Variants in CSMD3 observed in about 807,000 individuals in gnomAD.
CSMD3 encodes CUB and Sushi multiple domains 3.
A neutral mutation model predicts 435.2 loss-of-function variants in CSMD3; 177 were observed. The ratio of observed to expected loss-of-function variants is 0.41; its 90% confidence interval spans 0.36 to 0.46. CSMD3 has a LOEUF of 0.46. CSMD3 is among the 20% of genes least tolerant of loss of function. The pLI is 0.34. For missense variants in CSMD3, 4,265 were observed against 4,504.6 expected, an observed-to-expected ratio of 0.95 and a Z score of 1.52; for synonymous variants, 1,656 against 1,520.5, an observed-to-expected ratio of 1.09 and a Z score of -2.07.
intron 46 of CSMD3, 94 bp from the exon 47 acceptor site, chr8:112,319,044 A>G: frequency 2.6e-6 from 2 of 778,672 alleles, no homozygotes; most frequent in South Asian, 1.4e-5. Flanking sequence ...TTTCTCCTTT[A>G]GTTATTTTCA....
At chr8:112,257,621 G>C (rs764226043) in intron 61 of CSMD3, among the ~76,000 whole-genome samples, 3 of 152,154 alleles carry the variant, frequency 2.0e-5, no homozygotes, top group Non-Finnish European at 4.4e-5. Flanking sequence ...ACTGCTCAAG[G>C]AAATCAGAGA....
At chr8:112,471,135 T>G (rs1358547004) in intron 32 of CSMD3, among the ~76,000 whole-genome samples, 1 of 152,160 alleles carries the variant, frequency 6.6e-6, no homozygotes, top group Non-Finnish European at 1.5e-5. Flanking sequence ...GCATGTCTAT[T>G]TGTCAGGACA....
intron 52 of CSMD3, 34 bp downstream of exon 52, chr8:112,304,687 C>T (rs754148253): frequency 6.7e-7 from 1 of 1,499,116 alleles, no homozygotes; most frequent in Non-Finnish European, 9.3e-7. Context: ...CCAAACATAG[C>T]TTATGAAATA....
At chr8:112,425,494 A>C (rs1459010508) in intron 32 of CSMD3, among the ~76,000 whole-genome samples, 2 of 152,114 alleles carry the variant, frequency 1.3e-5, no homozygotes, top group Non-Finnish European at 2.9e-5. Flanking sequence ...ATTGTCTCAG[A>C]TTTTACTTGT....
At chr8:112,685,191 T>C (rs189135194) in intron 15 of CSMD3, among the ~76,000 whole-genome samples, 2 of 152,224 alleles carry the variant, frequency 1.3e-5, no homozygotes, top group Admixed American at 6.6e-5. Context: ...TTCCTTGATA[T>C]TGGGCCTCTC....
chr8:113,259,699 T>A (rs961499052), intron 3 of CSMD3, among the ~76,000 whole-genome samples: 1 of 151,996 alleles, frequency 6.6e-6, no homozygotes, highest in Non-Finnish European at 1.5e-5. Context: ...AAATGGGGCA[T>A]CCTGGGAGGG....
chr8:112,450,662 T>C (rs1031059301), intron 32 of CSMD3, among the ~76,000 whole-genome samples: 13 of 152,274 alleles, frequency 8.5e-5, no homozygotes, highest in African/African-American at 2.9e-4. Flanking sequence ...TTCTATGGAA[T>C]GTCTTTTTTC....
chr8:112,989,933 T>C (rs1042069098), intron 6 of CSMD3, among the ~76,000 whole-genome samples: 5 of 151,934 alleles, frequency 3.3e-5, no homozygotes, highest in African/African-American at 1.2e-4. Flanking sequence ...GGGGCAGTTT[T>C]CCCCCTACTG....
chr8:113,047,249 C>G (rs1437082657), intron 5 of CSMD3, among the ~76,000 whole-genome samples: 2 of 152,180 alleles, frequency 1.3e-5, no homozygotes, highest in Non-Finnish European at 2.9e-5. Flanking sequence ...ACTTATATTT[C>G]TTGTCTATCT....
At chr8:113,227,095 CACA>C (rs2093037040) in intron 3 of CSMD3, among the ~76,000 whole-genome samples, 1 of 151,448 alleles carries the variant, frequency 6.6e-6, no homozygotes, top group African/African-American at 2.4e-5. Flanking sequence ...TCCTTTTGTA[CACA>C]CTTTCCACAA....
intron 6 of CSMD3, among the ~76,000 whole-genome samples, chr8:112,994,659 G>T (rs2085578569): frequency 6.6e-6 from 1 of 151,448 alleles, no homozygotes; most frequent in African/African-American, 2.4e-5. Context: ...AAATTTCATG[G>T]ATTTGTCTCC....
chr8:112,384,650 G>A (rs1401672199), intron 36 of CSMD3, among the ~76,000 whole-genome samples: 1 of 152,168 alleles, frequency 6.6e-6, no homozygotes, highest in Non-Finnish European at 1.5e-5. Flanking sequence ...TTTATTATCT[G>A]CAAAATAGCC....
chr8:113,056,264 A>G (rs1272693911), intron 5 of CSMD3, among the ~76,000 whole-genome samples: 5 of 152,172 alleles, frequency 3.3e-5, no homozygotes, highest in Admixed American at 3.3e-4. Context: ...TGGAACACCC[A>G]TGTAGTATGA....
At chr8:112,421,280 C>T (rs1812465474) in intron 32 of CSMD3, among the ~76,000 whole-genome samples, 1 of 151,898 alleles carries the variant, frequency 6.6e-6, no homozygotes, top group African/African-American at 2.4e-5. Context: ...CAGTGATTCA[C>T]ACCTGTAATC....
intron 8 of CSMD3, among the ~76,000 whole-genome samples, chr8:112,949,612 AATCT>A (rs2083738651): frequency 6.6e-6 from 1 of 152,048 alleles, no homozygotes; most frequent in South Asian, 2.1e-4. Flanking sequence ...ATTGTCATCT[AATCT>A]ATCTACTTAA....
intron 4 of CSMD3, among the ~76,000 whole-genome samples, chr8:113,100,393 C>T (rs552307543): frequency 6.6e-5 from 10 of 151,992 alleles, no homozygotes; most frequent in Non-Finnish European, 1.5e-4. Context: ...CCGTCTCTAC[C>T]CTCAACCATA....
chr8:112,851,225 C>T (rs1316984548), intron 11 of CSMD3, among the ~76,000 whole-genome samples: 1 of 152,072 alleles, frequency 6.6e-6, no homozygotes, highest in Non-Finnish European at 1.5e-5. Context: ...GGGTTAGGGA[C>T]AGCGTAACTT....
intron 32 of CSMD3, among the ~76,000 whole-genome samples, chr8:112,413,393 T>A (rs1811563716): frequency 6.6e-6 from 1 of 152,220 alleles, no homozygotes; most frequent in Admixed American, 6.5e-5. Flanking sequence ...TTGTTTTCTA[T>A]TCTCTATCAA....
intron 4 of CSMD3, among the ~76,000 whole-genome samples, chr8:113,100,248 T>C (rs1330882491): frequency 2.0e-5 from 3 of 152,110 alleles, no homozygotes; most frequent in Non-Finnish European, 4.4e-5. Flanking sequence ...AAAAATTTTA[T>C]TGTGTGCTCT....
Sources: allele counts gnomAD v4.1 joint callset (sites outside exome capture counted in the v4.1 genomes callset), GRCh38; gene constraint gnomAD v4.1.1; transcripts MANE v1.5; gene names NCBI Gene and HGNC (gene_info 2026-07-23, HGNC 2026-07-21).